RNF39: variants seen among roughly 807,000 people sequenced by gnomAD.
RNF39 encodes LTP (long-term potentiation) induced RING finger protein.
In RNF39, 25 loss-of-function variants were observed where a neutral mutation model predicts 29.2. The observed-to-expected ratio is 0.86, with a 90% CI of 0.62 to 1.20. RNF39 has a LOEUF of 1.20. Ranked by LOEUF, RNF39 falls within the 50% of genes most tolerant of loss-of-function variation. The probability of loss-of-function intolerance (pLI) is 0.00; values close to 1 mark genes in which losing one functional copy is unlikely to be tolerated. For synonymous variants in RNF39, 219 were observed against 229.0 expected (o/e 0.96, Z 0.40); for missense variants, 519 against 515.0 (o/e 1.01, Z -0.08).
rs1048147188 is a variant in RNF39, at chr6:30,074,297, A to T, written c.364-819T>A. On this transcript the variant is annotated intron_variant, in intron 1 of 3. Transcript: ENST00000244360. The surrounding 1 kb of genome is among the most constrained non-coding windows in gnomAD (Gnocchi z 4.1). ...CTAATTAGGTCTATGAAGACTTCAA[A>T]GGGCAGAAGCAAGACCCAAGACCAG... is the stretch of plus-strand genomic sequence containing the variant. 6.6e-6 allele frequency among the ~76,000 whole-genome samples: 1 copy of T among 152,218 alleles called. No individual in the cohort carries two copies. Among genetic ancestry groups the T allele is most frequent in the African/African-American group, 2.4e-5 (1 of 41,454 alleles).
Position 30,071,290 on chromosome 6 carries a change from G to T in RNF39, c.880C>A (p.Pro294Thr). Reference protein sequence around the residue: ...PTLLGGVEPPPRRIRVDLDWE... With the variant: ...PTLLGGVEPPTRRIRVDLDWE... Reference sequence around the variant, plus strand: ...TCCAGGTCCACGCGAATGCGCCGCGGCGGGGGCTCAACACCGCCCAGCAGG... The same window carrying T: ...TCCAGGTCCACGCGAATGCGCCGCGTCGGGGGCTCAACACCGCCCAGCAGG... Residue 294 changes from proline to threonine, a missense_variant, in exon 4 of 4, where the codon CCG (proline) becomes ACG (threonine). By Grantham distance (38) the Pro-to-Thr change is conservative. Transcript: ENST00000244360. The surrounding 1 kb of genome is among the most constrained non-coding windows in gnomAD (Gnocchi z 5.0). 6.7e-7 allele frequency: 1 copy of T among 1,502,306 alleles called. No individual in the cohort carries two copies. 93.1% of individuals were successfully genotyped at this position (1,502,306 alleles called of 1,614,324 possible). A position where few individuals can be genotyped will look rare whatever the true frequency, so the allele number is the denominator to read the frequency against.
intron 1 of RNF39, among the ~76,000 whole-genome samples, chr6:30,073,969 T>C (rs1414620212): frequency 1.3e-5 from 2 of 152,160 alleles, no homozygotes; most frequent in Non-Finnish European, 2.9e-5. Context: ...AGTTGGTATA[T>C]AAAAGCCTTA....
chr6:30,075,325 G>A lies in RNF39; in HGVS notation c.261C>T (p.Ile87=), dbSNP rs1167482109. 6.3e-7 allele frequency: 1 copy of A among 1,592,834 alleles called. No homozygotes were observed. The highest frequency in any genetic ancestry group is 2.3e-5 in the East Asian group (1 of 44,040). Residue 87 remains isoleucine, a synonymous_variant, in exon 1 of 4, where the codon ATC becomes ATT. Coordinates refer to ENST00000244360, the MANE Select transcript of RNF39 (RefSeq NM_025236.4). Reference sequence around the variant, plus strand: ...CCAGCTTCTCTCGCAGCTCGCGGCTGATTCGCACCTCCACCGCCAGCCGCA... The same window carrying A: ...CCAGCTTCTCTCGCAGCTCGCGGCTAATTCGCACCTCCACCGCCAGCCGCA... ...SNVRLAVEVR[I]SRELREKLAE...
chr6:30,075,328 T>C lies in RNF39; in HGVS notation c.258A>G (p.Arg86=). The change falls in exon 1 of 4, where the codon CGA becomes CGG. Residue 86 remains arginine, a synonymous_variant. Coordinates refer to ENST00000244360, the MANE Select transcript of RNF39 (RefSeq NM_025236.4). ...RSNVRLAVEV[R]ISRELREKLA... ...GCTTCTCTCGCAGCTCGCGGCTGATTCGCACCTCCACCGCCAGCCGCACAT... is the reference window on the plus strand; with the variant it reads ...GCTTCTCTCGCAGCTCGCGGCTGATCCGCACCTCCACCGCCAGCCGCACAT... 1 of 1,592,492 alleles carries C rather than the reference T, an allele frequency of 6.3e-7. No homozygotes were observed. Among genetic ancestry groups the C allele is most frequent in the Non-Finnish European group, 8.5e-7 (1 of 1,172,026 alleles).
Position 30,074,685 on chromosome 6 carries a change from A to C in RNF39, c.363+538T>G, listed in dbSNP as rs1007167739. On this transcript the variant is annotated intron_variant, in intron 1 of 3. Transcript: ENST00000244360. The surrounding 1 kb of genome is among the most constrained non-coding windows in gnomAD (Gnocchi z 4.1). ...TCCTCTTGTCAGTCCCCTCCTCCCC[A>C]GCTTTTTCTCCGCCCCCAACCCACC... is the stretch of plus-strand genomic sequence containing the variant. Among the ~76,000 whole-genome samples the C allele has an allele frequency of 6.7e-5, 10 of 148,534 alleles. No individual in the cohort carries two copies. Among genetic ancestry groups the C allele is most frequent in the African/African-American group, 2.5e-4 (10 of 40,010 alleles).
Position 30,073,256 on chromosome 6 carries a change from G to C in RNF39, c.387-8C>G. The C allele has an allele frequency of 1.3e-6, 2 of 1,593,978 alleles. No individual in the cohort carries two copies. Among genetic ancestry groups the C allele is most frequent in the East Asian group, 4.5e-5 (2 of 44,760 alleles). ...GATGTTGGGACTTCAAATCTACACA[G>C]ATGAGGGGAAGGGTCAGGAAATCAG... is the stretch of plus-strand genomic sequence containing the variant. On this transcript the variant is annotated splice_region_variant and splice_polypyrimidine_tract_variant and intron_variant, in intron 2 of 3. Transcript: ENST00000244360.
Position 30,071,430 on chromosome 6 carries a change from G to C in RNF39, c.740C>G (p.Ala247Gly). 6.6e-7 allele frequency: 1 copy of C among 1,506,372 alleles called. No homozygotes were observed. Among genetic ancestry groups the C allele is most frequent in the Non-Finnish European group, 8.8e-7 (1 of 1,137,186 alleles). 93.3% of individuals were successfully genotyped at this position (1,506,372 alleles called of 1,614,324 possible). A position where few individuals can be genotyped will look rare whatever the true frequency, so the allele number is the denominator to read the frequency against. Residue 247 changes from alanine (A) to glycine (G), a missense_variant, in exon 4 of 4, where the codon GCG becomes GGG. Coordinates refer to ENST00000244360, the MANE Select transcript of RNF39 (RefSeq NM_025236.4). This position sits in a 1 kb window ranked among gnomAD's most constrained non-coding sequence, Gnocchi z 5.0. ...DDEESHYAVG[A>G]AGESVQRKGC... ...CTTGCGTTGCACTGATTCCCCGGCC[G>C]CGCCCACTGCATAGTGGCTCTCCTC... is the stretch of plus-strand genomic sequence containing the variant.
chr6:30,075,654 GGCC>G lies in RNF39; in HGVS notation c.-72_-70del. ...ACCGCCTTCGAGCGCGCAGATGGCG[GGCC>G]GCCCCTGCTGCTTGCTGTGTAGATG... On this transcript the variant is annotated 5_prime_UTR_variant, in exon 1 of 4. Transcript: ENST00000244360. 1 of 1,613,550 alleles carries G rather than the reference GGCC, an allele frequency of 6.2e-7. No homozygotes were observed.
rs950467267 is a variant in RNF39, at chr6:30,074,755, G to T, written c.363+468C>A. Among the ~76,000 whole-genome samples the T allele has an allele frequency of 5.3e-5, 8 of 150,122 alleles. No individual in the cohort carries two copies. Among genetic ancestry groups the T allele is most frequent in the Non-Finnish European group, 8.9e-5 (6 of 67,526 alleles). ...GCTCCTCTAAGCAGGTTCTGCCCTC[G>T]CCCACCATCCTCCCAGGACCCCTCC... On this transcript the variant is annotated intron_variant, in intron 1 of 3. Coordinates refer to ENST00000244360, the MANE Select transcript of RNF39 (RefSeq NM_025236.4). This position sits in a 1 kb window ranked among gnomAD's most constrained non-coding sequence, Gnocchi z 4.1.
Position 30,071,316 on chromosome 6 carries a change from G to A in RNF39, c.854C>T (p.Thr285Ile), listed in dbSNP as rs749879814. The change falls in exon 4 of 4, where the codon ACC (threonine) becomes ATC (isoleucine). Residue 285 changes from threonine (T) to isoleucine (I), a missense_variant. Transcript: ENST00000244360. This position sits in a 1 kb window ranked among gnomAD's most constrained non-coding sequence, Gnocchi z 5.0. Reference sequence around the variant, plus strand: ...CGGGGGCTCAACACCGCCCAGCAGGGTGGGTTCGGGTGCCGTGAGGGCCCA... The same window carrying A: ...CGGGGGCTCAACACCGCCCAGCAGGATGGGTTCGGGTGCCGTGAGGGCCCA... ...RLWALTAPEP[T>I]LLGGVEPPPR... is the part of the protein sequence containing the mutation. The A allele has an allele frequency of 2.0e-6, 3 of 1,485,266 alleles. No homozygotes were observed. Among genetic ancestry groups the A allele is most frequent in the Non-Finnish European group, 2.7e-6 (3 of 1,123,250 alleles). 92.0% of individuals were successfully genotyped at this position (1,485,266 alleles called of 1,614,324 possible). A position where few individuals can be genotyped will look rare whatever the true frequency, so the allele number is the denominator to read the frequency against.
Position 30,071,592 on chromosome 6 carries a change from G to C in RNF39, c.578C>G (p.Pro193Arg). 1 of 1,468,198 alleles carries C rather than the reference G, an allele frequency of 6.8e-7. No homozygotes were observed. Among genetic ancestry groups the C allele is most frequent in the Non-Finnish European group, 9.0e-7 (1 of 1,117,016 alleles). 90.9% of individuals were successfully genotyped at this position (1,468,198 alleles called of 1,614,324 possible). Residue 193 changes from proline (P) to arginine (R), a missense_variant, in exon 4 of 4, where the codon CCT (proline) becomes CGT (arginine). By Grantham distance (103) the Pro-to-Arg change is moderately radical (BLOSUM62 -2). Coordinates refer to ENST00000244360, the MANE Select transcript of RNF39 (RefSeq NM_025236.4). The surrounding 1 kb of genome is among the most constrained non-coding windows in gnomAD (Gnocchi z 5.0). ...CTGATCGAAGCGCTTGGGGCCGTCAGGGGGCGCGGGCGTCCCTGGTGGGGC... is the reference window on the plus strand; with the variant it reads ...CTGATCGAAGCGCTTGGGGCCGTCACGGGGCGCGGGCGTCCCTGGTGGGGC... Reference protein sequence around the residue: ...QLAPPGTPAPPDGPKRFDQLP... With the variant: ...QLAPPGTPAPRDGPKRFDQLP...
At chr6:30,073,952 G>C (rs1158526536) in intron 1 of RNF39, among the ~76,000 whole-genome samples, 2 of 152,130 alleles carry the variant, frequency 1.3e-5, no homozygotes, top group Non-Finnish European at 2.9e-5. Flanking sequence ...AGAGCCCTCG[G>C]GCTAAGAGTT....
rs1766000263 is a variant in RNF39 at position 30,071,679 on chromosome 6, A to AG, written c.490dup (p.Leu164ProfsTer31). 7.1e-7 allele frequency: 1 copy of AG among 1,413,298 alleles called. No individual in the cohort carries two copies. Among genetic ancestry groups the AG allele is most frequent in the Non-Finnish European group, 9.2e-7 (1 of 1,089,984 alleles). The allele number at this position is 1,413,298 out of a possible 1,614,324, so 87.5% of individuals were successfully genotyped here. ...GCGGCGGTGTGCGGTCCCAGGGTCCAGGGTCAGGTCGGCTGGAGACGGGGA... is the reference window on the plus strand; with the variant it reads ...GCGGCGGTGTGCGGTCCCAGGGTCCAGGGGTCAGGTCGGCTGGAGACGGGGA... On this transcript the variant is annotated frameshift_variant, in exon 4 of 4. Coordinates refer to ENST00000244360, the MANE Select transcript of RNF39 (RefSeq NM_025236.4). LOFTEE classifies it high-confidence loss of function. This position sits in a 1 kb window ranked among gnomAD's most constrained non-coding sequence, Gnocchi z 5.0.
Position 30,071,234 on chromosome 6 carries a change from G to A in RNF39, c.936C>T (p.Asp312=), listed in dbSNP as rs1450383366. The part of the protein sequence containing the change: ...DWERGRVAFY[D]GRSLDLLYAF... ...CGTAAAGCAGGTCGAGTGAGCGGCC[G>A]TCGTAGAAGGCCACGCGGCCCCGCT... The change falls in exon 4 of 4, where the codon GAC becomes GAT. Residue 312 remains aspartate (D), a synonymous_variant. Coordinates refer to ENST00000244360, the MANE Select transcript of RNF39 (RefSeq NM_025236.4). This position sits in a 1 kb window ranked among gnomAD's most constrained non-coding sequence, Gnocchi z 5.0. The A allele has an allele frequency of 6.6e-7, 1 of 1,511,924 alleles. No individual in the cohort carries two copies. Among genetic ancestry groups the A allele is most frequent in the East Asian group, 2.3e-5 (1 of 43,710 alleles). The allele number at this position is 1,511,924 out of a possible 1,614,324, so 93.7% of individuals were successfully genotyped here.
rs778498531 is a variant in RNF39 at position 30,073,483 on chromosome 6, G to A, written c.364-5C>T. On this transcript the variant is annotated splice_polypyrimidine_tract_variant and splice_region_variant and intron_variant, in intron 1 of 3. Transcript: ENST00000244360. ...TCTCCATGTCTTCCTCATATCCTAG[G>A]ATGGGCAGAAACAAACATGGATGTG... 13 of 1,613,950 alleles carry A rather than the reference G, an allele frequency of 8.1e-6. No homozygotes were observed. Among genetic ancestry groups the A allele is most frequent in the Non-Finnish European group, 9.3e-6 (11 of 1,179,894 alleles).
Position 30,070,504 on chromosome 6 carries a change from T to C in RNF39, c.*607A>G, listed in dbSNP as rs752075872. ...GGGAGAAGTTTCAAGAAGGTTCTTA[T>C]GGAAAAAAGGCTGTGAGCATAGAAA... On this transcript the variant is annotated 3_prime_UTR_variant, in exon 4 of 4. Transcript: ENST00000244360. The C allele has an allele frequency of 2.0e-5, 5 of 249,574 alleles. No homozygotes were observed. Among genetic ancestry groups the C allele is most frequent in the East Asian group, 9.6e-5 (1 of 10,364 alleles). 15.5% of individuals were successfully genotyped at this position (249,574 alleles called of 1,614,324 possible).
rs931680761 is a variant in RNF39, at chr6:30,074,178, A to G, written c.364-700T>C. 6.6e-6 allele frequency among the ~76,000 whole-genome samples: 1 copy of G among 152,118 alleles called. No individual in the cohort carries two copies. Among genetic ancestry groups the G allele is most frequent in the African/African-American group, 2.4e-5 (1 of 41,400 alleles). ...CAAACACTGGGATACCGACCCCTCC[A>G]CTTCACTGTCTAGTGCTGATGGCTG... On this transcript the variant is annotated intron_variant, in intron 1 of 3. Coordinates refer to ENST00000244360, the MANE Select transcript of RNF39 (RefSeq NM_025236.4). This position sits in a 1 kb window ranked among gnomAD's most constrained non-coding sequence, Gnocchi z 4.1.
rs1184923616 is a variant in RNF39, at chr6:30,074,640, C to A, written c.363+583G>T. Among the ~76,000 whole-genome samples, 1 of 152,084 alleles carries A rather than the reference C, an allele frequency of 6.6e-6. No homozygotes were observed. Among genetic ancestry groups the A allele is most frequent in the African/African-American group, 2.4e-5 (1 of 41,384 alleles). ...ACGGGGAGGTTTGGATATGCCCCAA[C>A]CCCTTGCTCCCTTCCTCCATCCTCT... On this transcript the variant is annotated intron_variant, in intron 1 of 3. Transcript: ENST00000244360. The surrounding 1 kb of genome is among the most constrained non-coding windows in gnomAD (Gnocchi z 4.1).
chr6:30,070,339 T>C lies in RNF39; in HGVS notation c.*772A>G, dbSNP rs1033772137. ...AATAACCCAAAATCACAAAATGTGT[T>C]AAATATGGGCCCATTTATACTTATG... On this transcript the variant is annotated 3_prime_UTR_variant, in exon 4 of 4. Coordinates refer to ENST00000244360, the MANE Select transcript of RNF39 (RefSeq NM_025236.4). 4 of 157,214 alleles carry C rather than the reference T, an allele frequency of 2.5e-5. No homozygotes were observed. Among genetic ancestry groups the C allele is most frequent in the African/African-American group, 9.6e-5 (4 of 41,466 alleles). The allele number at this position is 157,214 out of a possible 1,614,324, so 9.7% of individuals were successfully genotyped here. A position where few individuals can be genotyped will look rare whatever the true frequency, so the allele number is the denominator to read the frequency against.
Sources: gnomAD v4.1 joint callset for allele counts (sites outside exome capture counted in the v4.1 genomes callset) on GRCh38, gnomAD v4.1.1 for gene constraint, Gnocchi (gnomAD v3.1) non-coding constraint, MANE v1.5 for transcripts, NCBI Gene and HGNC (gene_info 2026-07-23, HGNC 2026-07-21) for gene names.